The following NRG1 variants were observed in gnomAD, a reference collection of about 807,000 sequenced individuals.
The protein encoded by NRG1 is pro-neuregulin-1, membrane-bound isoform.
NRG1 carries 18 observed loss-of-function variants against 63.8 expected under a neutral mutation model. The ratio of observed to expected loss-of-function variants is 0.28; its 90% CI spans 0.19 to 0.42. The LOEUF (loss-of-function observed/expected upper bound fraction) is 0.42. NRG1 is among the 10% of genes least tolerant of loss of function. NRG1 has a pLI of 1.00. For synonymous variants in NRG1, 302 were observed against 301.3 expected (o/e 1.00, Z -0.02); for missense variants, 762 against 814.7 (o/e 0.94, Z 0.79).
intron 1 of NRG1, among the ~76,000 whole-genome samples, chr8:32,132,230 G>A (rs956015025): frequency 2.0e-5 from 3 of 152,090 alleles, no homozygotes; most frequent in Admixed American, 6.6e-5. Flanking sequence ...TGTGAGGTAC[G>A]AATTATGACT....
At chr8:31,985,108 G>A (rs1373814502) in intron 1 of NRG1, among the ~76,000 whole-genome samples, 1 of 152,044 alleles carries the variant, frequency 6.6e-6, no homozygotes, top group African/African-American at 2.4e-5. Context: ...GTCAGAGAGT[G>A]TTTATAAAAG....
chr8:31,644,757 C>A (rs2130848218), intron 1 of NRG1, among the ~76,000 whole-genome samples: 1 of 152,098 alleles, frequency 6.6e-6, no homozygotes, highest in East Asian at 1.9e-4. Flanking sequence ...TTTTACAACC[C>A]TCTTGTACAT....
intron 5 of NRG1, chr8:32,647,882 C>G (rs1191968291): frequency 1.9e-6 from 3 of 1,614,074 alleles, no homozygotes; most frequent in Non-Finnish European, 1.7e-6. Context: ...TGGGCCTGGC[C>G]GTGCCCTGCT....
At chr8:31,772,532 T>A (rs193151364) in intron 1 of NRG1, among the ~76,000 whole-genome samples, 2 of 152,258 alleles carry the variant, frequency 1.3e-5, no homozygotes, top group East Asian at 1.9e-4. Flanking sequence ...ACTTTTTTTT[T>A]AAATAATAAA....
chr8:32,117,924 A>G (rs958741928), intron 1 of NRG1, among the ~76,000 whole-genome samples: 1 of 152,138 alleles, frequency 6.6e-6, no homozygotes, highest in Non-Finnish European at 1.5e-5. Flanking sequence ...GGGATCAATC[A>G]TTAGTATTAG....
chr8:31,770,563 A>T (rs977850294), intron 1 of NRG1, among the ~76,000 whole-genome samples: 3 of 151,390 alleles, frequency 2.0e-5, no homozygotes, highest in African/African-American at 7.3e-5. Context: ...TGGGAATTGA[A>T]CAATGAGAAC....
rs756283492 is a variant in NRG1 at position 32,116,971 on chromosome 8, CAAAAAAAAAAAAA to C, written c.37+477552_37+477564del. Among the ~76,000 whole-genome samples, 11 of 31,540 alleles carry C rather than the reference CAAAAAAAAAAAAA, an allele frequency of 3.5e-4. No homozygotes were observed. The East Asian group carries it at 7.6e-3, about 22-fold the overall frequency. The allele number at this position is 31,540 out of a possible 152,430, so 20.7% of individuals were successfully genotyped here. On this transcript the variant is annotated intron_variant, in intron 1 of 10. Transcript: ENST00000519301. The stretch of plus-strand genomic sequence containing the variant: ...AACCAATATAGAGACCCTGTCTCTA[CAAAAAAAAAAAAA>C]AAAAAAAAAAAGTCAGGTGTGATGG...
chr8:32,062,974 A>G (rs1173560483), intron 1 of NRG1: 1 of 152,120 alleles, frequency 6.6e-6, no homozygotes, highest in Admixed American at 6.6e-5. Flanking sequence ...AAAATACTAC[A>G]TGTGAGAAAG....
chr8:32,015,209 G>C (rs1331622121), intron 1 of NRG1, among the ~76,000 whole-genome samples: 1 of 152,032 alleles, frequency 6.6e-6, no homozygotes, highest in South Asian at 2.1e-4. Context: ...AAATATTTTA[G>C]ACAGCTTGCA....
At chr8:32,773,688 C>A (rs974221656) in intron 7 of NRG1, among the ~76,000 whole-genome samples, 1 of 152,168 alleles carries the variant, frequency 6.6e-6, no homozygotes, top group Non-Finnish European at 1.5e-5. Flanking sequence ...GACTCATCTA[C>A]TTCCTTTCAC....
chr8:31,929,183 G>T (rs1484044838), intron 1 of NRG1, among the ~76,000 whole-genome samples: 1 of 152,110 alleles, frequency 6.6e-6, no homozygotes, highest in Non-Finnish European at 1.5e-5. Flanking sequence ...TGTTAAAATG[G>T]AACTATGACT....
intron 1 of NRG1, among the ~76,000 whole-genome samples, chr8:32,532,544 G>T (rs10088313): frequency 0.11 from 16,685 of 151,976 alleles, 2,287 homozygotes; most frequent in East Asian, 0.57. Context: ...TGCTCTAATG[G>T]TATTAGAATT....
intron 1 of NRG1, among the ~76,000 whole-genome samples, chr8:32,111,584 T>A (rs1399939464): frequency 6.6e-6 from 1 of 152,232 alleles, no homozygotes; most frequent in African/African-American, 2.4e-5. Flanking sequence ...CTTGGACATA[T>A]GAATTGCAAT....
At chr8:32,544,679 C>CTTTTTTTTTTT (rs755780220), upstream of NRG1, among the ~76,000 whole-genome samples, 5 of 80,436 alleles carry the variant, frequency 6.2e-5, no homozygotes, top group Non-Finnish European at 1.1e-4. Context: ...ATTTTTGTAT[C>CTTTTTTTTTTT]TTTTTTTTTT....
In NRG1 at chr8:32,726,053, G is replaced by A. The variant is rs377116244; in HGVS notation, c.503-1896G>A. On this transcript the variant is annotated intron_variant, in intron 5 of 11. Coordinates refer to ENST00000356819, the Ensembl canonical transcript of NRG1. ...TTTGTTTAGTTTGTTTGCTTTGTAA[G>A]CCTGGAAAAGATGCCTTGAAATGTA... Among the ~76,000 whole-genome samples, 4 of 151,996 alleles carry A rather than the reference G, an allele frequency of 2.6e-5. No homozygotes were observed. The East Asian group carries it at 7.7e-4, about 29-fold the overall frequency.
Position 32,665,624 on chromosome 8 carries a change from A to G in NRG1, c.502+48739A>G, listed in dbSNP as rs138548946. The stretch of plus-strand genomic sequence containing the variant: ...TCAAGATTAAAGAGGCAATCAGTGT[A>G]TTGGTGCTTATTTTCAGTGTGTCAA... On this transcript the variant is annotated intron_variant, in intron 5 of 11. Coordinates refer to ENST00000356819, the Ensembl canonical transcript of NRG1. Among the ~76,000 whole-genome samples, 3 of 152,296 alleles carry G rather than the reference A, an allele frequency of 2.0e-5. No individual in the cohort carries two copies. The East Asian group carries it at 5.8e-4, about 29-fold the overall frequency.
chr8:31,658,741 G>T (rs1232638427), intron 1 of NRG1, among the ~76,000 whole-genome samples: 2 of 152,172 alleles, frequency 1.3e-5, no homozygotes, highest in Non-Finnish European at 2.9e-5. Context: ...GAGATGACAG[G>T]TATGAGCCGC....
chr8:32,026,973 A>G (rs1451046712), intron 1 of NRG1, among the ~76,000 whole-genome samples: 1 of 151,980 alleles, frequency 6.6e-6, no homozygotes. Flanking sequence ...TTAATTTTCA[A>G]TTGCATCCAT....
intron 1 of NRG1, among the ~76,000 whole-genome samples, chr8:31,980,116 T>C (rs1219428185): frequency 2.0e-5 from 3 of 152,072 alleles, no homozygotes; most frequent in Non-Finnish European, 4.4e-5. Flanking sequence ...AATTAGTTAC[T>C]AATAGGTTCA....
Sources: gnomAD v4.1 joint callset for allele counts (sites outside exome capture counted in the v4.1 genomes callset) on GRCh38, gnomAD v4.1.1 for gene constraint, MANE v1.5 for transcripts, NCBI Gene and HGNC (gene_info 2026-07-23, HGNC 2026-07-21) for gene names.